LINGO1: variants seen among roughly 807,000 people sequenced by gnomAD.
LINGO1 encodes the protein leucine rich repeat and Ig domain containing 1.
LINGO1 carries 11 observed loss-of-function variants against 37.3 expected under a neutral mutation model. The observed-to-expected ratio is 0.29, with a 90% confidence interval of 0.19 to 0.49. The LOEUF (loss-of-function observed/expected upper bound fraction) is 0.49. Among genes scored for constraint, LINGO1 ranks in the 20% least tolerant of loss-of-function variants. The pLI, the probability that LINGO1 is intolerant of heterozygous loss-of-function variation, is 0.99. For synonymous variants in LINGO1, 387 were observed against 403.0 expected (o/e 0.96, Z 0.48); for missense variants, 585 against 878.2 (o/e 0.67, Z 4.22).
chr15:77,764,900 C>T (rs1198389911), intron 1 of LINGO1, among the ~76,000 whole-genome samples: 1 of 152,216 alleles, frequency 6.6e-6, no homozygotes, highest in African/African-American at 2.4e-5. Context: ...CTGCAGATAT[C>T]CACCAGCAGG....
chr15:77,673,720 T>A (rs1245597191), intron 3 of LINGO1, among the ~76,000 whole-genome samples: 1 of 152,186 alleles, frequency 6.6e-6, no homozygotes, highest in Non-Finnish European at 1.5e-5. Context: ...TTTATGCTGA[T>A]AGCCCCAAAT....
intron 1 of LINGO1, among the ~76,000 whole-genome samples, chr15:77,802,695 A>C (rs1327826917): frequency 6.6e-6 from 1 of 152,040 alleles, no homozygotes; most frequent in Non-Finnish European, 1.5e-5. Flanking sequence ...AACTCCTCCT[A>C]ATGAGTGGTG....
chr15:77,672,792 G>A (rs2075272688), intron 3 of LINGO1, among the ~76,000 whole-genome samples: 1 of 152,194 alleles, frequency 6.6e-6, no homozygotes, highest in South Asian at 2.1e-4. Flanking sequence ...TAGAGCTCCT[G>A]TTGTCCCCGA....
chr15:77,643,880 G>A (rs1260563239), intron 3 of LINGO1, among the ~76,000 whole-genome samples: 2 of 152,314 alleles, frequency 1.3e-5, no homozygotes, highest in African/African-American at 2.4e-5. Context: ...GGGGGTGGGG[G>A]TGCAATGGCT....
intron 1 of LINGO1, among the ~76,000 whole-genome samples, chr15:77,768,804 C>T (rs1289028140): frequency 6.6e-6 from 1 of 151,860 alleles, no homozygotes; most frequent in Non-Finnish European, 1.5e-5. Flanking sequence ...TAATGGAAAT[C>T]GATGCCCACT....
chr15:77,667,961 G>T (rs921005589), intron 3 of LINGO1: 4 of 153,220 alleles, frequency 2.6e-5, no homozygotes, highest in Admixed American at 6.5e-5. Context: ...AAAGGAACCT[G>T]CACAGGGAGG....
At position 77,718,332 on chromosome 15, in the gene LINGO1, C is replaced by T. The variant is rs554306426; in HGVS notation, c.-195+16660G>A. Among the ~76,000 whole-genome samples, 31 of 151,098 alleles carry T rather than the reference C, an allele frequency of 2.1e-4. 2 individuals carry two copies. The highest frequency in any genetic ancestry group is 8.5e-4 in the South Asian group (4 of 4,718). On this transcript the variant is annotated intron_variant, in intron 2 of 3. Coordinates refer to the LINGO1 transcript ENST00000561686. ...GAATGCACACGCTCATGCATACCCA[C>T]GCCCATCCCATGTATACAGAGGAGC...
At chr15:77,807,812 C>A (rs558376858) in intron 1 of LINGO1, among the ~76,000 whole-genome samples, 1 of 152,026 alleles carries the variant, frequency 6.6e-6, no homozygotes, top group African/African-American at 2.4e-5. Context: ...AGCAACAGAG[C>A]GAGCGCCCGG....
chr15:77,647,172 G>A (rs1333513844), intron 3 of LINGO1, among the ~76,000 whole-genome samples: 1 of 152,134 alleles, frequency 6.6e-6, no homozygotes, highest in African/African-American at 2.4e-5. Context: ...TGGAAGGGCA[G>A]TGTCAGGAGC....
chr15:77,782,555 A>G (rs1012158070), intron 1 of LINGO1, among the ~76,000 whole-genome samples: 12 of 152,110 alleles, frequency 7.9e-5, no homozygotes, highest in African/African-American at 2.9e-4. Flanking sequence ...TGGCTCCTCA[A>G]ACCCGGCAAG....
At chr15:77,672,325 C>G (rs965987733) in intron 3 of LINGO1, among the ~76,000 whole-genome samples, 1 of 152,144 alleles carries the variant, frequency 6.6e-6, no homozygotes, top group African/African-American at 2.4e-5. Flanking sequence ...CACCAGCCCC[C>G]ACTCAGTGTC....
chr15:77,693,683 G>A (rs35353380), intron 1 of LINGO1, among the ~76,000 whole-genome samples: 12,389 of 152,288 alleles, frequency 0.081, 577 homozygotes, highest in Middle Eastern at 0.13. Flanking sequence ...TGTCACAATC[G>A]CCCAAGGACA....
At chr15:77,760,548 G>A (rs1016823467) in intron 1 of LINGO1, among the ~76,000 whole-genome samples, 1 of 152,190 alleles carries the variant, frequency 6.6e-6, no homozygotes, top group African/African-American at 2.4e-5. Context: ...TTTCCACATG[G>A]GAGCAATCCG....
chr15:77,768,214 G>A (rs760286957), intron 1 of LINGO1, among the ~76,000 whole-genome samples: 13 of 151,946 alleles, frequency 8.6e-5, no homozygotes, highest in African/African-American at 2.7e-4. Context: ...CCCCTGTGGG[G>A]TTTCCAGGGA....
intron 1 of LINGO1, among the ~76,000 whole-genome samples, chr15:77,751,931 G>C (rs2076376081): frequency 6.6e-6 from 1 of 152,176 alleles, no homozygotes; most frequent in African/African-American, 2.4e-5. Flanking sequence ...CAGGTGCTTT[G>C]TTCCATCATC....
At chr15:77,794,583 T>C (rs1243432238) in intron 2 of LINGO1, among the ~76,000 whole-genome samples, 6 of 25,636 alleles carry the variant, frequency 2.3e-4, no homozygotes, top group Non-Finnish European at 4.6e-4. Flanking sequence ...TATATATATA[T>C]ATATATATTT....
chr15:77,798,573 C>A (rs769888787), intron 1 of LINGO1, among the ~76,000 whole-genome samples: 1 of 152,228 alleles, frequency 6.6e-6, no homozygotes, highest in Non-Finnish European at 1.5e-5. Context: ...CAGAGCGTGA[C>A]AATGATTTGG....
At chr15:77,710,598 T>C (rs958644526) in intron 2 of LINGO1, among the ~76,000 whole-genome samples, 5 of 152,262 alleles carry the variant, frequency 3.3e-5, no homozygotes, top group Admixed American at 1.3e-4. Flanking sequence ...GCCTTGGATT[T>C]CTGCTGGGCG....
At chr15:77,801,380 T>C (rs2076917165) in intron 1 of LINGO1, among the ~76,000 whole-genome samples, 1 of 152,128 alleles carries the variant, frequency 6.6e-6, no homozygotes, top group Non-Finnish European at 1.5e-5. Context: ...AGAGAAAAAA[T>C]CAAGCTGTAA....
Sources: allele counts gnomAD v4.1 joint callset (sites outside exome capture counted in the v4.1 genomes callset), GRCh38; gene constraint gnomAD v4.1.1; transcripts MANE v1.5; gene names NCBI Gene and HGNC (gene_info 2026-07-23, HGNC 2026-07-21).